Variants in CDH7 observed in about 807,000 individuals in gnomAD.
CDH7 encodes the protein cadherin-7.
CDH7 carries 25 observed loss-of-function variants against 71.8 expected under a neutral mutation model. The observed-to-expected ratio is 0.35, with a 90% CI of 0.25 to 0.49. CDH7 has a LOEUF of 0.49. Ranked by LOEUF, CDH7 falls within the 20% of genes least tolerant of loss-of-function variation. CDH7 has a pLI of 0.99. For missense variants in CDH7, 862 were observed against 974.6 expected (o/e 0.88, Z 1.54); for synonymous variants, 381 against 363.8 (o/e 1.05, Z -0.54).
chr18:65,824,593 T>G (rs1397991103), intron 5 of CDH7, 51 bp from the exon 6 acceptor site: 13 of 1,224,276 alleles, frequency 1.1e-5, no homozygotes, highest in Admixed American at 2.6e-5. Context: ...ATTTAAATTT[T>G]TATTGGTTAG....
At chr18:65,785,873 T>C (rs756446336) in intron 2 of CDH7, among the ~76,000 whole-genome samples, 1 of 152,190 alleles carries the variant, frequency 6.6e-6, no homozygotes, top group Non-Finnish European at 1.5e-5. Context: ...AGAAATATAA[T>C]TTGTAAAAGT....
At chr18:65,806,950 C>A (rs569939683) in intron 2 of CDH7, among the ~76,000 whole-genome samples, 13 of 152,266 alleles carry the variant, frequency 8.5e-5, no homozygotes, top group South Asian at 8.3e-4. Flanking sequence ...CTTACAGTAA[C>A]TTTGCAAAGA....
At chr18:65,782,164 T>A (rs1274072566) in intron 2 of CDH7, among the ~76,000 whole-genome samples, 1 of 116,810 alleles carries the variant, frequency 8.6e-6, no homozygotes, top group Non-Finnish European at 1.6e-5. Flanking sequence ...CTTTCTTTCT[T>A]CCTTTCTTTC....
chr18:65,843,263 G>A (rs1320901347), intron 6 of CDH7, among the ~76,000 whole-genome samples: 2 of 152,104 alleles, frequency 1.3e-5, no homozygotes, highest in Non-Finnish European at 2.9e-5. Flanking sequence ...AGGCAGACAT[G>A]ATGGGTGCTT....
At chr18:65,853,540 T>A (rs922942546) in intron 7 of CDH7, among the ~76,000 whole-genome samples, 4 of 152,028 alleles carry the variant, frequency 2.6e-5, no homozygotes, top group African/African-American at 9.7e-5. Flanking sequence ...ACAACTGAAG[T>A]TTTTTTGCAT....
At chr18:65,767,089 C>CTTTTTTTTTTTTTTTTTTTTTTTTTTTTT (rs35258266) in intron 2 of CDH7, among the ~76,000 whole-genome samples, 1 of 139,960 alleles carries the variant, frequency 7.1e-6, no homozygotes. Context: ...ATCACTCTTT[C>CTTTTTTTTTTTTTTTTTTTTTTTTTTTTT]TTTCTTTTTT....
chr18:65,831,320 A>G (rs1242760489), intron 6 of CDH7, among the ~76,000 whole-genome samples: 1 of 152,148 alleles, frequency 6.6e-6, no homozygotes, highest in African/African-American at 2.4e-5. Context: ...CATCACTCTC[A>G]TTCACATCCC....
Position 65,880,571 on chromosome 18 carries a change from G to C in CDH7, c.2035G>C (p.Asp679His). Residue 679 changes from aspartate (D) to histidine (H), a missense_variant, in exon 12 of 12, where the codon GAC (aspartate) becomes CAC (histidine). Asp to His is a moderately conservative substitution (Grantham distance 81). Coordinates refer to ENST00000397968, the MANE Select transcript of CDH7 (RefSeq NM_004361.5). ...AALRNLNVIR[D>H]TKTRRDVTPE... Reference sequence around the variant, plus strand: ...ACTGAGAAACCTCAACGTCATCCGAGACACCAAGACCCGGAGGGATGTGAC... The same window carrying C: ...ACTGAGAAACCTCAACGTCATCCGACACACCAAGACCCGGAGGGATGTGAC... The C allele has an allele frequency of 6.2e-7, 1 of 1,613,888 alleles. No homozygotes were observed. The highest frequency in any genetic ancestry group is 8.5e-7 in the Non-Finnish European group (1 of 1,179,970).
In CDH7 at chr18:65,763,049, A is replaced by G. The variant is rs756735221; in HGVS notation, c.207A>G (p.Gly69=). The part of the protein sequence containing the change: ...EYMGSDPLYV[G]KLHSDVDKGD... ...TGGGTTCAGACCCCCTCTATGTAGG[A>G]AAGGTAGGGTATTGTGACCTTTCAA... The change falls in exon 2 of 12, where the codon GGA becomes GGG. Residue 69 remains glycine (G), a synonymous_variant. Coordinates refer to ENST00000397968, the MANE Select transcript of CDH7 (RefSeq NM_004361.5). The G allele has an allele frequency of 6.8e-6, 11 of 1,606,812 alleles. No individual in the cohort carries two copies. The highest frequency in any genetic ancestry group is 1.1e-5 in the South Asian group (1 of 90,314).
chr18:65,792,948 G>T (rs1910766678), intron 2 of CDH7, among the ~76,000 whole-genome samples: 1 of 152,092 alleles, frequency 6.6e-6, no homozygotes, highest in Admixed American at 6.6e-5. Flanking sequence ...CTGAGACCCT[G>T]CCTTGGAGGG....
intron 2 of CDH7, among the ~76,000 whole-genome samples, chr18:65,775,134 GT>G (rs1228682572): frequency 6.6e-6 from 1 of 152,170 alleles, no homozygotes; most frequent in Non-Finnish European, 1.5e-5. Context: ...CAATTCCTAT[GT>G]TGTATGATTG....
intron 2 of CDH7, among the ~76,000 whole-genome samples, chr18:65,798,615 A>G (rs1911001895): frequency 6.6e-6 from 1 of 152,180 alleles, no homozygotes; most frequent in African/African-American, 2.4e-5. Context: ...GGGCAGTAAA[A>G]GTTGTTGAGC....
chr18:65,855,846 T>A (rs961378181), intron 7 of CDH7, among the ~76,000 whole-genome samples: 2 of 152,182 alleles, frequency 1.3e-5, no homozygotes, highest in African/African-American at 4.8e-5. Flanking sequence ...AACATTTAGA[T>A]AACTCAATCA....
At position 65,782,150 on chromosome 18, in the gene CDH7, CT is replaced by C. The variant is rs1433924557; in HGVS notation, c.210+19101del. The stretch of plus-strand genomic sequence containing the variant: ...TCTTTCTTTCTTTCTTTCTTTCTTT[CT>C]TTCTTTCTTTCTTCCTTTCTTTCTT... On this transcript the variant is annotated intron_variant, in intron 2 of 11. Coordinates refer to ENST00000397968, the MANE Select transcript of CDH7 (RefSeq NM_004361.5). Among the ~76,000 whole-genome samples, 58 of 105,522 alleles carry C rather than the reference CT, an allele frequency of 5.5e-4. 7 individuals are homozygous for C. In the East Asian group the frequency reaches 0.011, roughly 19 times the overall value. The allele number at this position is 105,522 out of a possible 152,430, so 69.2% of individuals were successfully genotyped here. A position where few individuals can be genotyped will look rare whatever the true frequency, so the allele number is the denominator to read the frequency against.
intron 1 of CDH7, among the ~76,000 whole-genome samples, chr18:65,752,063 G>A (rs941391193): frequency 2.6e-5 from 4 of 152,212 alleles, no homozygotes; most frequent in Admixed American, 2.6e-4. Flanking sequence ...AATTGAACGA[G>A]GAATGTACTT....
intron 2 of CDH7, among the ~76,000 whole-genome samples, chr18:65,768,206 G>A (rs1861615868): frequency 1.3e-5 from 2 of 149,482 alleles, no homozygotes; most frequent in African/African-American, 4.9e-5. Context: ...TTCAACTGCA[G>A]TCTATATGCG....
intron 6 of CDH7, among the ~76,000 whole-genome samples, chr18:65,843,268 G>A (rs1438924697): frequency 1.3e-5 from 2 of 152,086 alleles, no homozygotes; most frequent in East Asian, 3.9e-4. Flanking sequence ...GACATGATGG[G>A]TGCTTCATGG....
At chr18:65,849,385 T>C (rs1359257124) in intron 7 of CDH7, among the ~76,000 whole-genome samples, 1 of 133,114 alleles carries the variant, frequency 7.5e-6, no homozygotes, top group African/African-American at 3.2e-5. Flanking sequence ...TTTTCTTTTC[T>C]TTTCTTTTCT....
At chr18:65,856,718 C>A (rs557713032) in intron 7 of CDH7, among the ~76,000 whole-genome samples, 6 of 152,000 alleles carry the variant, frequency 3.9e-5, no homozygotes, top group African/African-American at 1.4e-4. Context: ...TTTGTTCTTT[C>A]GTTCATTTGT....
Sources: gnomAD v4.1 joint callset for allele counts (sites outside exome capture counted in the v4.1 genomes callset) on GRCh38, gnomAD v4.1.1 for gene constraint, MANE v1.5 for transcripts, NCBI Gene and HGNC (gene_info 2026-07-23, HGNC 2026-07-21) for gene names.